Variants in RNF213 observed in about 807,000 individuals in gnomAD.
RNF213 encodes E3 ubiquitin-protein ligase RNF213.
A neutral mutation model predicts 514.4 loss-of-function variants in RNF213; 341 were observed. That is an observed-to-expected ratio of 0.66 (90% confidence interval 0.61 to 0.73). RNF213 has a LOEUF of 0.73. Ranked by LOEUF, RNF213 falls within the 30% of genes least tolerant of loss-of-function variation. The pLI is 0.00. For synonymous variants in RNF213, 2,655 were observed against 2,658.2 expected (o/e 1.00, Z 0.04); for missense variants, 5,767 against 6,615.6 (o/e 0.87, Z 4.45).
intron 42 of RNF213, 38 bp downstream of exon 42, chr17:80,364,591 C>T (rs1044312316): frequency 1.2e-6 from 2 of 1,613,476 alleles, no homozygotes; most frequent in African/African-American, 1.3e-5. Context: ...TGCACGGATC[C>T]ACCCTTTTCC....
At chr17:80,356,668 C>T (rs1032474525) in intron 36 of RNF213, among the ~76,000 whole-genome samples, 10 of 152,210 alleles carry the variant, frequency 6.6e-5, no homozygotes, top group Admixed American at 5.2e-4. Flanking sequence ...AGGGCGGAAC[C>T]AGGCTCGGCG....
chr17:80,364,852 C>T (rs1232593740), intron 42 of RNF213: 3 of 397,826 alleles, frequency 7.5e-6, no homozygotes, highest in African/African-American at 4.1e-5. Context: ...GCAGGGATTA[C>T]CTGGCCTTTG....
In RNF213 at chr17:80,334,119, C is replaced by T. The variant is rs1172519913; in HGVS notation, c.4158C>T (p.Asp1386=). The T allele has an allele frequency of 8.5e-6, 13 of 1,537,166 alleles. No individual in the cohort carries two copies. The East Asian group carries it at 1.5e-4, about 17-fold the overall frequency. The part of the protein sequence containing the change: ...NTLLNFTDNF[D]DFRRETLDQI... ...TTTTCTTGCAGACTGATAACTTCGA[C>T]GACTTTCGCCGTGAAACACTGGACC... is the stretch of plus-strand genomic sequence containing the variant. Residue 1386 remains aspartate (D), a synonymous_variant, in exon 22 of 68, where the codon GAC becomes GAT. Transcript: ENST00000582970.
intron 2 of RNF213, among the ~76,000 whole-genome samples, chr17:80,269,449 CATCT>C (rs904682185): frequency 6.1e-5 from 9 of 146,882 alleles, no homozygotes; most frequent in East Asian, 2.0e-4. Flanking sequence ...TCTATCCATC[CATCT>C]ATTCATCCAT....
At position 80,312,446 on chromosome 17, in the gene RNF213, C is replaced by G. The variant is rs563932451; in HGVS notation, c.2656-566C>G. ...CCCAGGTTTACCTCCGGGTCAGGAG[C>G]CTGGCTGTGGTCTGGCATGGAGGCA... On this transcript the variant is annotated intron_variant, in intron 14 of 67. Transcript: ENST00000582970. Among the ~76,000 whole-genome samples the G allele has an allele frequency of 3.1e-4, 46 of 148,640 alleles. 1 individual carries two copies. Among genetic ancestry groups the G allele is most frequent in the African/African-American group, 1.1e-3 (45 of 39,956 alleles).
At chr17:80,293,184 A>C (rs1430591247) in intron 8 of RNF213, among the ~76,000 whole-genome samples, 1 of 151,934 alleles carries the variant, frequency 6.6e-6, no homozygotes, top group Non-Finnish European at 1.5e-5. Context: ...AGCCCCCCCA[A>C]GTAGCTGGGC....
intron 56 of RNF213, 31 bp downstream of exon 56, chr17:80,381,018 C>T (rs375118927): frequency 2.6e-4 from 414 of 1,612,508 alleles, no homozygotes; most frequent in Non-Finnish European, 3.5e-4. Flanking sequence ...ACAATGGGCT[C>T]AGTTAAGAAC....
intron 11 of RNF213, among the ~76,000 whole-genome samples, chr17:80,302,465 C>G (rs965063364): frequency 6.6e-6 from 1 of 152,024 alleles, no homozygotes; most frequent in Non-Finnish European, 1.5e-5. Flanking sequence ...AAAATGTATT[C>G]TCTGTATGCA....
At chr17:80,306,224 T>C in intron 11 of RNF213, 28 bp from the exon 12 acceptor site, 4 of 1,607,908 alleles carry the variant, frequency 2.5e-6, no homozygotes, top group Non-Finnish European at 3.4e-6. Flanking sequence ...CTGCGTCTCT[T>C]TTCTCCGTCC....
At chr17:80,367,285 G>T (rs2079313536) in intron 42 of RNF213, among the ~76,000 whole-genome samples, 1 of 152,222 alleles carries the variant, frequency 6.6e-6, no homozygotes, top group African/African-American at 2.4e-5. Context: ...GGAGGGATGT[G>T]AAGTTGTAAC....
chr17:80,289,935 C>A (rs2044630797), intron 6 of RNF213, 98 bp downstream of exon 6: 1 of 1,334,064 alleles, frequency 7.5e-7, no homozygotes, highest in Non-Finnish European at 1.0e-6. Context: ...GGCTGCCCTT[C>A]TAGTCAGCTG....
At chr17:80,313,641 A>G (rs1275145016) in intron 15 of RNF213, among the ~76,000 whole-genome samples, 63 of 87,222 alleles carry the variant, frequency 7.2e-4, no homozygotes, top group African/African-American at 1.5e-3. Flanking sequence ...GATGGTGGTG[A>G]TGGTGATGGT....
At position 80,288,867 on chromosome 17, in the gene RNF213, TCAGA is replaced by T. The variant is rs2044573585; in HGVS notation, c.933+115_933+118del. 1 of 1,572,158 alleles carries T rather than the reference TCAGA, an allele frequency of 6.4e-7. No homozygotes were observed. The highest frequency in any genetic ancestry group is 1.1e-5 in the South Asian group (1 of 89,530). ...TAAGTGCTGGGGATATAGCCATGAT[TCAGA>T]CAAAGCTCTGGCCTTCGGGGTGCTC... On this transcript the variant is annotated intron_variant, in intron 5 of 67. Transcript: ENST00000582970. This position sits in a 1 kb window ranked among gnomAD's most constrained non-coding sequence, Gnocchi z 4.9.
In RNF213 at chr17:80,275,121, GGT is replaced by G. The variant is rs199769375; in HGVS notation, c.261+1725_261+1726del. Reference sequence around the variant, plus strand: ...GTGTGTGTTGGGTGTGTGCGTGTTGGGTGTGTGTGAGTGGTGTGTGTGTGTTG... The same window carrying G: ...GTGTGTGTTGGGTGTGTGCGTGTTGGGTGTGTGAGTGGTGTGTGTGTGTTG... On this transcript the variant is annotated intron_variant, in intron 3 of 67. Coordinates refer to ENST00000582970, the MANE Select transcript of RNF213 (RefSeq NM_001256071.3). 8.1e-3 allele frequency among the ~76,000 whole-genome samples: 1,144 copies of G among 141,638 alleles called. 17 individuals are homozygous for G. The highest frequency in any genetic ancestry group is 0.029 in the African/African-American group (1,041 of 35,772). 92.9% of individuals were successfully genotyped at this position (141,638 alleles called of 152,430 possible). A position where few individuals can be genotyped will look rare whatever the true frequency, so the allele number is the denominator to read the frequency against.
rs2080236309 is a variant in RNF213, at chr17:80,386,384, A to G, written c.14674A>G (p.Asn4892Asp). The change falls in exon 62 of 68, where the codon AAT (asparagine) becomes GAT (aspartate). Residue 4892 changes from asparagine (N) to aspartate (D), a missense_variant. This residue lies in a region of RNF213 where 1,245 missense variants were observed against 1,339.0 expected (regional missense o/e 0.93). Coordinates refer to ENST00000582970, the MANE Select transcript of RNF213 (RefSeq NM_001256071.3). ...CGTCAGCTACTTGATTCGCCTACAC[A>G]ATGAAATTGTCTACGCCGTGGAAAA... is the stretch of plus-strand genomic sequence containing the variant. ...ALVSYLIRLH[N>D]EIVYAVEKLS... 6.2e-7 allele frequency: 1 copy of G among 1,614,126 alleles called. No individual in the cohort carries two copies. The highest frequency in any genetic ancestry group is 1.3e-5 in the African/African-American group (1 of 75,012).
At chr17:80,278,761 C>T (rs1266592383) in intron 3 of RNF213, 1 of 1,536,998 alleles carries the variant, frequency 6.5e-7, no homozygotes, top group East Asian at 2.4e-5. Flanking sequence ...CGTGTTTCAA[C>T]AGGGAGCTAC....
At chr17:80,373,793 T>TGA (rs1165958457) in intron 49 of RNF213, among the ~76,000 whole-genome samples, 1 of 151,746 alleles carries the variant, frequency 6.6e-6, no homozygotes, top group Non-Finnish European at 1.5e-5. Flanking sequence ...GGTCAGGAGT[T>TGA]TGTCAAGACC....
intron 37 of RNF213, 44 bp downstream of exon 37, chr17:80,358,523 A>G: frequency 6.5e-7 from 1 of 1,549,848 alleles, no homozygotes. Flanking sequence ...AACTATCAGA[A>G]CACAGCAGGA....
At chr17:80,283,546 C>T (rs12602569) in intron 3 of RNF213, among the ~76,000 whole-genome samples, 8,122 of 152,324 alleles carry the variant, frequency 0.053, 319 homozygotes, top group East Asian at 0.2. Context: ...CCAGCCTCCC[C>T]GGGCTCTGCC....
Sources: allele counts gnomAD v4.1 joint callset (sites outside exome capture counted in the v4.1 genomes callset), GRCh38; gene constraint gnomAD v4.1.1; regional missense constraint gnomAD v4.1.1; non-coding constraint Gnocchi (gnomAD v3.1); transcripts MANE v1.5; gene names NCBI Gene and HGNC (gene_info 2026-07-23, HGNC 2026-07-21).